GXYLT2: variants seen among roughly 807,000 people sequenced by gnomAD.
GXYLT2 encodes the protein glucoside xylosyltransferase 2.
GXYLT2 carries 53 observed loss-of-function variants against 45.8 expected under a neutral mutation model. That is an observed-to-expected ratio of 1.16 (90% CI 0.93 to 1.46). The LOEUF (loss-of-function observed/expected upper bound fraction) is 1.46. Ranked by LOEUF, GXYLT2 falls within the 40% of genes most tolerant of loss-of-function variation. The pLI is 0.00. For synonymous variants in GXYLT2, 219 were observed against 214.2 expected (o/e 1.02, Z -0.19); for missense variants, 551 against 544.4 (o/e 1.01, Z -0.12).
intron 3 of GXYLT2, among the ~76,000 whole-genome samples, chr3:72,939,263 A>C (rs2107122861): frequency 6.6e-6 from 1 of 152,272 alleles, no homozygotes; most frequent in East Asian, 1.9e-4. Context: ...CCTGGCCAAC[A>C]TGGTGAAACC....
intron 1 of GXYLT2, 104 bp downstream of exon 1, chr3:72,888,612 A>C: frequency 1.2e-6 from 1 of 818,972 alleles, no homozygotes. Flanking sequence ...CAGATTTCCA[A>C]GTTTCACCCA....
In GXYLT2 at chr3:72,975,146, AC is replaced by A; in HGVS notation, c.1321del (p.Gln441ArgfsTer13). 1 of 1,611,222 alleles carries A rather than the reference AC, an allele frequency of 6.2e-7. No individual in the cohort carries two copies. The highest frequency in any genetic ancestry group is 1.1e-5 in the South Asian group (1 of 90,630). ...CACGTCATCATCCATGTTGGCCCCA[AC>A]CAGATGCACTGAATATTTTGTCTTG... ...EKHVIIHVGP[N>X]QMH On this transcript the variant is annotated frameshift_variant, in exon 7 of 7. Transcript: ENST00000389617. LOFTEE classifies it high-confidence loss of function.
intron 6 of GXYLT2, among the ~76,000 whole-genome samples, chr3:72,970,309 C>T (rs1710962515): frequency 6.6e-6 from 1 of 151,816 alleles, no homozygotes; most frequent in Non-Finnish European, 1.5e-5. Flanking sequence ...CTTGATTGCA[C>T]TACTACACTC....
chr3:72,915,493 G>T (rs1709723556), intron 2 of GXYLT2, among the ~76,000 whole-genome samples: 1 of 151,816 alleles, frequency 6.6e-6, no homozygotes, highest in South Asian at 2.1e-4. Context: ...GTGATGTGGG[G>T]GAGGTCTCAG....
At chr3:72,947,051 T>C (rs559516896) in intron 3 of GXYLT2, among the ~76,000 whole-genome samples, 1 of 152,120 alleles carries the variant, frequency 6.6e-6, no homozygotes, top group African/African-American at 2.4e-5. Flanking sequence ...GAGGCCTTAC[T>C]ACATGGCCCA....
intron 1 of GXYLT2, among the ~76,000 whole-genome samples, chr3:72,889,907 G>GGTTTTT (rs1215251183): frequency 8.4e-6 from 1 of 118,786 alleles, no homozygotes; most frequent in African/African-American, 3.3e-5. Context: ...TTTTTTTTTT[G>GGTTTTT]TTTTTTTTTT....
intron 6 of GXYLT2, 65 bp from the exon 7 acceptor site, chr3:72,974,912 A>G (rs767392060): frequency 6.6e-6 from 8 of 1,217,088 alleles, no homozygotes; most frequent in Non-Finnish European, 8.2e-6. Flanking sequence ...TTTCTTAGTA[A>G]AAATGATCTG....
intron 1 of GXYLT2, 34 bp from the exon 2 acceptor site, chr3:72,908,333 A>G: frequency 6.6e-7 from 1 of 1,524,030 alleles, no homozygotes; most frequent in East Asian, 2.3e-5. Context: ...TTTTGAGTTT[A>G]GTAATAGCTT....
In GXYLT2 at chr3:72,888,131, C is replaced by T; in HGVS notation, c.-103C>T. 1.3e-6 allele frequency: 1 copy of T among 780,510 alleles called. No homozygotes were observed. Among genetic ancestry groups the T allele is most frequent in the Non-Finnish European group, 1.5e-6 (1 of 645,296 alleles). The allele number at this position is 780,510 out of a possible 1,614,324, so 48.3% of individuals were successfully genotyped here. The stretch of plus-strand genomic sequence containing the variant: ...ACGACCCCAGTCCCCGGCGGGCGGG[C>T]GGAGGAGGCGACCGCCGCGCGCTGC... On this transcript the variant is annotated 5_prime_UTR_variant, in exon 1 of 7. Coordinates refer to ENST00000389617, the MANE Select transcript of GXYLT2 (RefSeq NM_001080393.2).
chr3:72,950,235 C>T (rs1575808531), intron 3 of GXYLT2, among the ~76,000 whole-genome samples: 1 of 151,950 alleles, frequency 6.6e-6, no homozygotes, highest in Non-Finnish European at 1.5e-5. Flanking sequence ...CTGAGGCGGG[C>T]GAATCACTTG....
chr3:72,969,249 A>T (rs1323274286), intron 6 of GXYLT2, among the ~76,000 whole-genome samples: 1 of 99,642 alleles, frequency 1.0e-5, no homozygotes, highest in African/African-American at 3.4e-5. Context: ...AAAATTTAAA[A>T]AATAAGGCAA....
At position 72,929,564 on chromosome 3, in the gene GXYLT2, G is replaced by T. The variant is rs1709985373; in HGVS notation, c.600+7229G>T. ...GCTCGGCAGAATATCTCTTTGACAAGCACACGCTGGGAGACAGTGATAACG... is the reference window on the plus strand; with the variant it reads ...GCTCGGCAGAATATCTCTTTGACAATCACACGCTGGGAGACAGTGATAACG... On this transcript the variant is annotated intron_variant, in intron 3 of 6. Coordinates refer to ENST00000389617, the MANE Select transcript of GXYLT2 (RefSeq NM_001080393.2). 1.1e-5 allele frequency: 12 copies of T among 1,133,194 alleles called. No individual in the cohort carries two copies. The South Asian group carries it at 1.5e-4, about 14-fold the overall frequency. The allele number at this position is 1,133,194 out of a possible 1,614,324, so 70.2% of individuals were successfully genotyped here.
chr3:72,973,078 A>G (rs1046468206), intron 6 of GXYLT2, among the ~76,000 whole-genome samples: 1 of 152,194 alleles, frequency 6.6e-6, no homozygotes, highest in African/African-American at 2.4e-5. Context: ...CCTGGGTGAC[A>G]CAGCAAGACC....
chr3:72,929,211 T>G, intron 3 of GXYLT2: 1 of 1,583,358 alleles, frequency 6.3e-7, no homozygotes, highest in Non-Finnish European at 8.6e-7. Flanking sequence ...AAATACTTTC[T>G]TCACCAATCT....
At position 72,925,140 on chromosome 3, in the gene GXYLT2, A is replaced by G. The variant is rs188699996; in HGVS notation, c.600+2805A>G. ...CCCAAGCTCACTTGCTCATTATGTCATCTATTTTTCTTTTTCTTTCTTTTT... is the reference window on the plus strand; with the variant it reads ...CCCAAGCTCACTTGCTCATTATGTCGTCTATTTTTCTTTTTCTTTCTTTTT... On this transcript the variant is annotated intron_variant, in intron 3 of 6. Transcript: ENST00000389617. Among the ~76,000 whole-genome samples the G allele has an allele frequency of 1.4e-3, 212 of 150,584 alleles. 1 individual carries two copies. The highest frequency in any genetic ancestry group is 5.1e-3 in the African/African-American group (208 of 40,778).
chr3:72,960,548 C>T (rs575838036), intron 5 of GXYLT2, among the ~76,000 whole-genome samples: 1 of 152,314 alleles, frequency 6.6e-6, no homozygotes, highest in African/African-American at 2.4e-5. Flanking sequence ...TGACGTTGTT[C>T]TAAATCCTGG....
rs115982611 is a variant in GXYLT2, at chr3:72,889,795, G to T, written c.275+1287G>T. On this transcript the variant is annotated intron_variant, in intron 1 of 6. Coordinates refer to ENST00000389617, the MANE Select transcript of GXYLT2 (RefSeq NM_001080393.2). ...CATCGCTAACCTATTGCCAGGGACA[G>T]TGCTAACCGCAGTACATACAAATAG... Among the ~76,000 whole-genome samples the T allele has an allele frequency of 5.2e-3, 785 of 151,960 alleles. 6 individuals are homozygous for T. The highest frequency in any genetic ancestry group is 0.018 in the African/African-American group (739 of 41,390).
At chr3:72,965,964 A>G (rs538126290) in intron 5 of GXYLT2, among the ~76,000 whole-genome samples, 2 of 151,686 alleles carry the variant, frequency 1.3e-5, no homozygotes, top group East Asian at 3.9e-4. Flanking sequence ...TTCCTGTTGT[A>G]GGTGGGGTTT....
chr3:72,897,171 G>A (rs72878560), intron 1 of GXYLT2, among the ~76,000 whole-genome samples: 3,200 of 152,238 alleles, frequency 0.021, 109 homozygotes, highest in African/African-American at 0.07. Context: ...TCAGTTGCAC[G>A]TGATAGAATA....
Sources: gnomAD v4.1 joint callset for allele counts (sites outside exome capture counted in the v4.1 genomes callset) on GRCh38, gnomAD v4.1.1 for gene constraint, MANE v1.5 for transcripts, NCBI Gene and HGNC (gene_info 2026-07-23, HGNC 2026-07-21) for gene names.